The following RANBP9 variants were observed in gnomAD, a reference collection of about 807,000 sequenced individuals.
RANBP9 encodes ran-binding protein 9.
Under a neutral mutation model 84.3 loss-of-function variants are expected in RANBP9, and 15 were observed. That is an observed-to-expected ratio of 0.18 (90% CI 0.12 to 0.27). The LOEUF (loss-of-function observed/expected upper bound fraction) is 0.27, where lower values mean the gene tolerates loss of function less well. Ranked by LOEUF, RANBP9 falls within the 10% of genes least tolerant of loss-of-function variation. The pLI is 1.00. For synonymous variants in RANBP9, 392 were observed against 349.6 expected, an observed-to-expected ratio of 1.12 and a Z score of -1.35; for missense variants, 809 against 912.8, an observed-to-expected ratio of 0.89 and a Z score of 1.46.
intron 2 of RANBP9, among the ~76,000 whole-genome samples, chr6:13,659,061 C>A (rs1765476571): frequency 6.6e-6 from 1 of 151,952 alleles, no homozygotes; most frequent in Non-Finnish European, 1.5e-5. Context: ...TAAATACACA[C>A]AAAGCATTAA....
intron 6 of RANBP9, 39 bp downstream of exon 6, chr6:13,644,506 G>C: frequency 6.4e-7 from 1 of 1,571,350 alleles, no homozygotes; most frequent in Non-Finnish European, 8.7e-7. Flanking sequence ...ATAAAAAACA[G>C]ATTCTGAATA....
At chr6:13,654,019 C>A (rs990900172) in intron 4 of RANBP9, among the ~76,000 whole-genome samples, 1 of 151,984 alleles carries the variant, frequency 6.6e-6, no homozygotes, top group African/African-American at 2.4e-5. Flanking sequence ...TAATATTTTT[C>A]ATAAAATAAT....
intron 1 of RANBP9, among the ~76,000 whole-genome samples, chr6:13,703,919 T>TGTAATACA (rs1458577539): frequency 1.4e-4 from 22 of 152,342 alleles, no homozygotes; most frequent in Admixed American, 1.2e-3. Flanking sequence ...CCAACTATAC[T>TGTAATACA]GTAATACAGT....
intron 2 of RANBP9, among the ~76,000 whole-genome samples, chr6:13,667,699 G>GGAGCA (rs1765683664): frequency 6.6e-6 from 1 of 152,000 alleles, no homozygotes; most frequent in Non-Finnish European, 1.5e-5. Flanking sequence ...ATTCAGTTTT[G>GGAGCA]TAGCCTAGGA....
At chr6:13,649,662 C>T (rs529607060) in intron 5 of RANBP9, among the ~76,000 whole-genome samples, 8 of 152,144 alleles carry the variant, frequency 5.3e-5, no homozygotes, top group Admixed American at 1.3e-4. Flanking sequence ...TCTTTCTATG[C>T]GACACCGACA....
intron 2 of RANBP9, among the ~76,000 whole-genome samples, chr6:13,687,852 A>C: frequency 6.6e-6 from 1 of 152,242 alleles, no homozygotes; most frequent in Admixed American, 6.5e-5. Context: ...TCCCTTGCTT[A>C]AAACTAGCAC....
intron 2 of RANBP9, among the ~76,000 whole-genome samples, chr6:13,659,496 T>A (rs1485896966): frequency 6.6e-6 from 1 of 152,170 alleles, no homozygotes; most frequent in Admixed American, 6.5e-5. Flanking sequence ...GGGAAGATTA[T>A]TAAGGTATTC....
Position 13,639,440 on chromosome 6 carries a change from A to G in RANBP9, c.1525+123T>C, listed in dbSNP as rs561975195. On this transcript the variant is annotated intron_variant, in intron 9 of 13. Transcript: ENST00000011619. ...TGATCCGCCCACCCTGGCCTCCCAAAGTGCTGGGATTACAAGCGTGAGCCA... is the reference window on the plus strand; with the variant it reads ...TGATCCGCCCACCCTGGCCTCCCAAGGTGCTGGGATTACAAGCGTGAGCCA... The G allele has an allele frequency of 5.8e-5, 63 of 1,080,196 alleles. No homozygotes were observed. In the East Asian group the frequency reaches 1.6e-3, roughly 28 times the overall value. The allele number at this position is 1,080,196 out of a possible 1,614,324, so 66.9% of individuals were successfully genotyped here.
At chr6:13,632,337 T>G (rs1356554977) in intron 12 of RANBP9, 33 bp downstream of exon 12, 4 of 1,597,880 alleles carry the variant, frequency 2.5e-6, no homozygotes, top group Non-Finnish European at 3.4e-6. Context: ...TCCTCTGACA[T>G]ATTCATAATT....
intron 2 of RANBP9, among the ~76,000 whole-genome samples, chr6:13,688,009 C>A (rs553494372): frequency 6.6e-6 from 1 of 152,314 alleles, no homozygotes; most frequent in South Asian, 2.1e-4. Flanking sequence ...CAAGAAGACA[C>A]GAGTTTGCTG....
chr6:13,709,094 A>G (rs1460304923), intron 1 of RANBP9, among the ~76,000 whole-genome samples: 2 of 152,266 alleles, frequency 1.3e-5, no homozygotes, highest in African/African-American at 4.8e-5. Context: ...CAGCAGTGTC[A>G]GAAATATTCC....
intron 2 of RANBP9, among the ~76,000 whole-genome samples, chr6:13,659,265 C>G (rs1384015629): frequency 6.8e-6 from 1 of 147,426 alleles, no homozygotes; most frequent in African/African-American, 2.6e-5. Flanking sequence ...CATACACACA[C>G]ACACACACAC....
intron 5 of RANBP9, among the ~76,000 whole-genome samples, chr6:13,645,568 G>A (rs1236036391): frequency 6.6e-6 from 1 of 152,124 alleles, no homozygotes; most frequent in African/African-American, 2.4e-5. Context: ...AATTCTGTGA[G>A]GCCACTATTA....
In RANBP9 at chr6:13,711,363, G is replaced by A. The variant is rs1036259332; in HGVS notation, c.143C>T (p.Ala48Val). 2.5e-4 allele frequency: 289 copies of A among 1,157,454 alleles called. 4 individuals carry two copies. The South Asian group carries it at 7.1e-3, about 28-fold the overall frequency. The allele number at this position is 1,157,454 out of a possible 1,614,324, so 71.7% of individuals were successfully genotyped here. Reference protein sequence around the residue: ...PPAVSAGSSPAGSPGGGAGGE... With the variant: ...PPAVSAGSSPVGSPGGGAGGE... Reference sequence around the variant, plus strand: ...GCCCGCACCGCCGCCGGGCGAGCCGGCCGGAGAAGAGCCGGCGCTGACGGC... The same window carrying A: ...GCCCGCACCGCCGCCGGGCGAGCCGACCGGAGAAGAGCCGGCGCTGACGGC... Residue 48 changes from alanine to valine, a missense_variant, in exon 1 of 14, where the codon GCC becomes GTC. By Grantham distance (64) the Ala-to-Val change is moderately conservative. Around this residue, in one of 5 missense-constraint regions of RANBP9, gnomAD observed 302 missense variants for 240.1 expected, o/e 1.26. Transcript: ENST00000011619.
intron 2 of RANBP9, among the ~76,000 whole-genome samples, chr6:13,681,836 T>G (rs547766470): frequency 6.6e-6 from 1 of 151,988 alleles, no homozygotes; most frequent in African/African-American, 2.4e-5. Context: ...AAAAAAAGGA[T>G]GACGTGAACC....
chr6:13,692,178 T>C (rs1455059080), intron 2 of RANBP9, among the ~76,000 whole-genome samples: 1 of 151,782 alleles, frequency 6.6e-6, no homozygotes, highest in Non-Finnish European at 1.5e-5. Flanking sequence ...CCAAAAACAA[T>C]GGGCTGGGCC....
At chr6:13,658,642 G>A in intron 3 of RANBP9, 138 bp downstream of exon 3, 1 of 781,132 alleles carries the variant, frequency 1.3e-6, no homozygotes, top group South Asian at 1.8e-5. Flanking sequence ...ACCCCACTCA[G>A]CTTTCACTTA....
rs141452764 is a variant in RANBP9 at position 13,701,048 on chromosome 6, G to A, written c.572-4152C>T. ...TCTATCCCCTTTCTAAAGCCTTCAC[G>A]TCTATACTTCAACATCATGGGAACT... On this transcript the variant is annotated intron_variant, in intron 1 of 13. Transcript: ENST00000011619. Among the ~76,000 whole-genome samples the A allele has an allele frequency of 1.8e-3, 268 of 152,212 alleles. 1 individual carries two copies. The highest frequency in any genetic ancestry group is 6.2e-3 in the African/African-American group (256 of 41,534).
intron 2 of RANBP9, among the ~76,000 whole-genome samples, chr6:13,669,086 A>G (rs1370672162): frequency 2.0e-5 from 3 of 152,166 alleles, no homozygotes; most frequent in Non-Finnish European, 2.9e-5. Context: ...TCTACACACT[A>G]GAAATAATTT....
Sources: gnomAD v4.1 joint callset for allele counts (sites outside exome capture counted in the v4.1 genomes callset) on GRCh38, gnomAD v4.1.1 for gene constraint, gnomAD v4.1.1 regional missense constraint, MANE v1.5 for transcripts, NCBI Gene and HGNC (gene_info 2026-07-23, HGNC 2026-07-21) for gene names.